The following TTC39C variants were observed in gnomAD, a reference collection of about 807,000 sequenced individuals.
The protein encoded by TTC39C is tetratricopeptide repeat domain 39C.
A neutral mutation model predicts 76.3 loss-of-function variants in TTC39C; 33 were observed. The observed-to-expected ratio is 0.43, with a 90% CI of 0.33 to 0.58. The LOEUF is 0.58. TTC39C is among the 20% of genes least tolerant of loss of function. The pLI is 0.04. For missense variants in TTC39C, 595 were observed against 701.4 expected (o/e 0.85, Z 1.71); for synonymous variants, 254 against 260.6 (o/e 0.97, Z 0.24).
intron 1 of TTC39C, among the ~76,000 whole-genome samples, chr18:24,045,908 TATATATATATA>T (rs2083866749): frequency 1.8e-4 from 7 of 38,530 alleles, no homozygotes; most frequent in East Asian, 7.1e-4. Flanking sequence ...TATATATATA[TATATATATATA>T]TATATATATT....
chr18:24,084,131 A>G (rs2084412822), intron 6 of TTC39C, among the ~76,000 whole-genome samples: 1 of 152,178 alleles, frequency 6.6e-6, no homozygotes, highest in African/African-American at 2.4e-5. Context: ...CATGCAGAGC[A>G]GTTTTCTAAG....
At chr18:24,048,632 A>AAAT (rs2083914009) in intron 1 of TTC39C, among the ~76,000 whole-genome samples, 1 of 152,170 alleles carries the variant, frequency 6.6e-6, no homozygotes, top group Admixed American at 6.5e-5. Flanking sequence ...TATTCTTCTG[A>AAAT]AATAGAATTA....
At chr18:24,055,197 T>A (rs1461953892) in intron 1 of TTC39C, among the ~76,000 whole-genome samples, 1 of 152,240 alleles carries the variant, frequency 6.6e-6, no homozygotes, top group Non-Finnish European at 1.5e-5. Flanking sequence ...AATGCTGGTA[T>A]GAACGTGGGT....
chr18:24,081,009 CTT>C, intron 5 of TTC39C, 70 bp downstream of exon 5: 2 of 1,388,940 alleles, frequency 1.4e-6, no homozygotes, highest in Non-Finnish European at 1.9e-6. Flanking sequence ...CAATCAAAGA[CTT>C]TAAAGGAAAC....
Position 23,995,726 on chromosome 18 carries a change from C to G in TTC39C, c.-17+2688C>G, listed in dbSNP as rs538501464. On this transcript the variant is annotated intron_variant, in intron 1 of 13. Transcript: ENST00000304621. Reference sequence around the variant, plus strand: ...CTGCCGGAAAAAAAAAAAAGTTAGCCGGGCATGGTGGGATACACCTGTAGT... The same window carrying G: ...CTGCCGGAAAAAAAAAAAAGTTAGCGGGGCATGGTGGGATACACCTGTAGT... 2.0e-5 allele frequency among the ~76,000 whole-genome samples: 3 copies of G among 151,988 alleles called. No individual in the cohort carries two copies. The East Asian group carries it at 5.8e-4, about 29-fold the overall frequency.
rs2145832706 is a variant in TTC39C, at chr18:24,130,518, A to ACT, written c.1623+101_1623+102insCT. 3 of 312,480 alleles carry ACT rather than the reference A, an allele frequency of 9.6e-6. No homozygotes were observed. The East Asian group carries it at 1.9e-4, about 20-fold the overall frequency. 19.4% of individuals were successfully genotyped at this position (312,480 alleles called of 1,614,324 possible). On this transcript the variant is annotated intron_variant, in intron 12 of 13. Coordinates refer to ENST00000317571, the MANE Select transcript of TTC39C (RefSeq NM_001135993.2). Reference sequence around the variant, plus strand: ...AGCACCCTTCATTTAAAACAAACTGAACACAGTGTTCTTCATTTTGTTTTC... The same window carrying ACT: ...AGCACCCTTCATTTAAAACAAACTGACTACACAGTGTTCTTCATTTTGTTTTC...
At chr18:24,035,927 C>CT (rs1231481141) in intron 1 of TTC39C, among the ~76,000 whole-genome samples, 1 of 151,922 alleles carries the variant, frequency 6.6e-6, no homozygotes, top group African/African-American at 2.4e-5. Flanking sequence ...ATGCTTAGGT[C>CT]TTTCATCCCT....
chr18:24,020,701 G>A (rs1426291714), intron 1 of TTC39C, among the ~76,000 whole-genome samples: 1 of 152,178 alleles, frequency 6.6e-6, no homozygotes, highest in African/African-American at 2.4e-5. Flanking sequence ...TTAGGGAATA[G>A]TGACAAGGGA....
intron 1 of TTC39C, among the ~76,000 whole-genome samples, chr18:24,045,893 A>ATATATATATATATATGTATATGTATATG (rs1568417189): frequency 5.0e-4 from 21 of 42,158 alleles, no homozygotes; most frequent in East Asian, 1.1e-3. Context: ...TTCTGTGAAA[A>ATATATATATATATATGTATATGTATATG]TATATATATA....
rs2085038833 is a variant in TTC39C at position 24,125,528 on chromosome 18, C to T, written c.1398C>T (p.Pro466=). ...AAGCTCTTCCAAACTGTTCCTTCCC[C>T]AACCTGCAGAGGATGAGTCAAGGTA... ...LWKALPNCSF[P]NLQRMSQACH... Residue 466 remains proline (P), a synonymous_variant, in exon 10 of 14, where the codon CCC becomes CCT. Transcript: ENST00000317571. 1 of 1,614,046 alleles carries T rather than the reference C, an allele frequency of 6.2e-7. No homozygotes were observed. Among genetic ancestry groups the T allele is most frequent in the Non-Finnish European group, 8.5e-7 (1 of 1,180,036 alleles).
chr18:24,105,691 A>C (rs1380197684), intron 6 of TTC39C, among the ~76,000 whole-genome samples: 1 of 152,252 alleles, frequency 6.6e-6, no homozygotes, highest in Admixed American at 6.5e-5. Context: ...CCATGCCACC[A>C]CATGGGTGAT....
intron 4 of TTC39C, among the ~76,000 whole-genome samples, chr18:24,078,214 C>G (rs1342370592): frequency 6.6e-6 from 1 of 152,032 alleles, no homozygotes; most frequent in East Asian, 1.9e-4. Flanking sequence ...CATTAATCAC[C>G]CAGAAGTTGT....
chr18:24,061,339 C>T (rs2084097834), intron 1 of TTC39C, among the ~76,000 whole-genome samples: 1 of 151,496 alleles, frequency 6.6e-6, no homozygotes, highest in African/African-American at 2.4e-5. Flanking sequence ...AATGCTTATA[C>T]TCAGCCTTCA....
chr18:24,047,837 A>G (rs1414593485), intron 1 of TTC39C, among the ~76,000 whole-genome samples: 1 of 152,240 alleles, frequency 6.6e-6, no homozygotes, highest in Non-Finnish European at 1.5e-5. Context: ...AGTTCCGTAG[A>G]GGAGATAACA....
chr18:24,080,811 C>T lies in TTC39C; in HGVS notation c.687C>T (p.Cys229=), dbSNP rs2084366621. ...TTGGATATGGCCTTTTTCACCTTTG[C>T]ATATCCATGGTGCCCCCAAACCTGC... The part of the protein sequence containing the change: ...VSFGYGLFHL[C]ISMVPPNLLK... Residue 229 remains cysteine, a synonymous_variant, in exon 5 of 14, where the codon TGC becomes TGT. Transcript: ENST00000317571. 4 of 1,614,036 alleles carry T rather than the reference C, an allele frequency of 2.5e-6. No individual in the cohort carries two copies. In the African/African-American group the frequency reaches 4.0e-5, roughly 16 times the overall value.
At chr18:24,022,795 C>CA (rs1303828467) in intron 1 of TTC39C, 3 of 985,402 alleles carry the variant, frequency 3.0e-6, no homozygotes, top group Non-Finnish European at 3.6e-6. Context: ...TGTCCTGCTG[C>CA]CCTTGTCCCT....
intron 1 of TTC39C, among the ~76,000 whole-genome samples, chr18:24,018,409 T>G (rs984354212): frequency 2.0e-5 from 3 of 152,110 alleles, no homozygotes; most frequent in African/African-American, 7.2e-5. Context: ...ATTCCCTTCC[T>G]CACTCACTGT....
chr18:24,091,387 A>G (rs2084514829), intron 6 of TTC39C, among the ~76,000 whole-genome samples: 1 of 152,192 alleles, frequency 6.6e-6, no homozygotes, highest in African/African-American at 2.4e-5. Flanking sequence ...GGTTGCAGTA[A>G]TCAGAGATCA....
chr18:24,059,262 T>C (rs1012272635), intron 1 of TTC39C, among the ~76,000 whole-genome samples: 8 of 152,218 alleles, frequency 5.3e-5, no homozygotes, highest in South Asian at 2.1e-4. Context: ...TTTTGTTACA[T>C]AGAAAAACTT....
Sources: gnomAD v4.1 joint callset for allele counts (sites outside exome capture counted in the v4.1 genomes callset) on GRCh38, gnomAD v4.1.1 for gene constraint, MANE v1.5 for transcripts, NCBI Gene and HGNC (gene_info 2026-07-23, HGNC 2026-07-21) for gene names.